Variants in KCNA6 observed in about 807,000 individuals in gnomAD.
KCNA6 encodes human brain potassium channel-2.
Under a neutral mutation model 29.5 loss-of-function variants are expected in KCNA6, and 17 were observed. The ratio of observed to expected loss-of-function variants is 0.58; its 90% CI spans 0.39 to 0.86. KCNA6 has a LOEUF of 0.86. Ranked by LOEUF, KCNA6 falls within the 40% of genes least tolerant of loss-of-function variation. The pLI is 0.00. For synonymous variants in KCNA6, 296 were observed against 304.7 expected (o/e 0.97, Z 0.30); for missense variants, 450 against 703.4 (o/e 0.64, Z 4.07).
At chr12:4,820,484 A>C in the KCNA6 span, among the ~76,000 whole-genome samples, 1 of 149,796 alleles carries the variant, frequency 6.7e-6, no homozygotes. Flanking sequence ...CTGGGACCCA[A>C]ATTTTCTAAC....
the KCNA6 span, chr12:4,839,236 C>G: frequency 6.6e-6 from 1 of 152,196 alleles, no homozygotes. Flanking sequence ...CATGGATTTT[C>G]TTCTGCTTCT....
chr12:4,834,924 G>A, the KCNA6 span, among the ~76,000 whole-genome samples: 1 of 152,160 alleles, frequency 6.6e-6, no homozygotes, highest in Non-Finnish European at 1.5e-5. Flanking sequence ...AAGGTGCCCG[G>A]TCTGACCCAA....
Position 4,810,803 on chromosome 12 carries a change from TGGG to T in KCNA6, c.765_767del (p.Gly256del). 6.3e-7 allele frequency: 1 copy of T among 1,591,466 alleles called. No homozygotes were observed. The highest frequency in any genetic ancestry group is 8.6e-7 in the Non-Finnish European group (1 of 1,169,328). On this transcript the variant is annotated inframe_deletion, in exon 1 of 1. Coordinates refer to ENST00000280684, the Ensembl canonical transcript of KCNA6. The surrounding 1 kb of genome is among the most constrained non-coding windows in gnomAD (Gnocchi z 7.5). ...GGGGCTCCTCCTCACTCAGTACTCT[TGGG>T]GGCTCCTTCTTTACAGACCCCTTCT... is the stretch of plus-strand genomic sequence containing the variant.
At chr12:4,834,099 T>G in the KCNA6 span, among the ~76,000 whole-genome samples, 4 of 151,772 alleles carry the variant, frequency 2.6e-5, no homozygotes, top group Non-Finnish European at 4.4e-5. Context: ...GGCTATAAAT[T>G]TTTATTTTTA....
At chr12:4,826,221 T>TTTTG in the KCNA6 span, among the ~76,000 whole-genome samples, 21 of 152,144 alleles carry the variant, frequency 1.4e-4, no homozygotes, top group Non-Finnish European at 2.9e-4. Context: ...TCTAGGTGTT[T>TTTTG]TTTGTTTGTT....
the KCNA6 span, among the ~76,000 whole-genome samples, chr12:4,828,050 C>T: frequency 6.6e-6 from 1 of 152,196 alleles, no homozygotes; most frequent in Non-Finnish European, 1.5e-5. Flanking sequence ...AACCCCCCCA[C>T]CAGAGACACT....
At chr12:4,830,007 C>T in the KCNA6 span, among the ~76,000 whole-genome samples, 1 of 152,204 alleles carries the variant, frequency 6.6e-6, no homozygotes, top group Non-Finnish European at 1.5e-5. Context: ...GGGGCAGCCT[C>T]CACTCCCCTG....
At chr12:4,815,135 A>G (rs965185), downstream of KCNA6, among the ~76,000 whole-genome samples, 148,325 of 152,124 alleles carry the variant, frequency 0.98, 72,399 homozygotes, top group Middle Eastern at 1. Flanking sequence ...TTCTTTTACC[A>G]TCTTCTTCCT....
downstream of KCNA6, among the ~76,000 whole-genome samples, chr12:4,818,031 G>C (rs56893870): frequency 0.072 from 10,974 of 152,186 alleles, 525 homozygotes; most frequent in East Asian, 0.23. Flanking sequence ...GCTGTCTCCA[G>C]GAGACAGACA....
chr12:4,821,486 G>T, the KCNA6 span, among the ~76,000 whole-genome samples: 3 of 151,470 alleles, frequency 2.0e-5, no homozygotes, highest in Admixed American at 1.3e-4. Flanking sequence ...TTCTGCATCT[G>T]CAATCTCCTG....
At position 4,810,314 on chromosome 12, in the gene KCNA6, C is replaced by T. The variant is rs1946613376; in HGVS notation, c.273C>T (p.Pro91=). The T allele has an allele frequency of 6.2e-7, 1 of 1,614,022 alleles. No individual in the cohort carries two copies. Residue 91 remains proline, a synonymous_variant, in exon 1 of 1, where the codon CCC becomes CCT. Transcript: ENST00000280684. The surrounding 1 kb of genome is among the most constrained non-coding windows in gnomAD (Gnocchi z 7.5). ...AGTACTTCTTCGACCGCAACCGGCCCAGCTTCGACGCCATCCTCTACTACT... is the reference window on the plus strand; with the variant it reads ...AGTACTTCTTCGACCGCAACCGGCCTAGCTTCGACGCCATCCTCTACTACT...
chr12:4,847,909 G>A, the KCNA6 span, among the ~76,000 whole-genome samples: 5 of 152,050 alleles, frequency 3.3e-5, no homozygotes, highest in Non-Finnish European at 5.9e-5. Flanking sequence ...TTTTTTCTTG[G>A]AATCCTTTGG....
chr12:4,829,360 G>C, the KCNA6 span, among the ~76,000 whole-genome samples: 1 of 152,108 alleles, frequency 6.6e-6, no homozygotes. Flanking sequence ...AGCATTGCTG[G>C]ATATGATTAT....
exon 1 of KCNA6, chr12:4,812,490 G>A (rs1328419188): frequency 6.0e-6 from 1 of 167,154 alleles, no homozygotes; most frequent in East Asian, 1.9e-4. Context: ...GCAGAGTCAA[G>A]CAACTGGCTT....
chr12:4,845,550 G>T, the KCNA6 span, among the ~76,000 whole-genome samples: 1 of 152,170 alleles, frequency 6.6e-6, no homozygotes, highest in Non-Finnish European at 1.5e-5. Flanking sequence ...AACAGAGGAT[G>T]CCTGTTACAT....
the KCNA6 span, among the ~76,000 whole-genome samples, chr12:4,848,858 G>A: frequency 6.6e-6 from 1 of 152,184 alleles, no homozygotes; most frequent in African/African-American, 2.4e-5. Flanking sequence ...GCTCACGCCT[G>A]TAATCCCAGC....
At chr12:4,819,068 G>A in the KCNA6 span, among the ~76,000 whole-genome samples, 39 of 152,010 alleles carry the variant, frequency 2.6e-4, no homozygotes, top group Middle Eastern at 3.4e-3. Flanking sequence ...ATATACACAC[G>A]TATGCACAGG....
the KCNA6 span, among the ~76,000 whole-genome samples, chr12:4,836,508 A>G: frequency 6.6e-6 from 1 of 152,232 alleles, no homozygotes; most frequent in Non-Finnish European, 1.5e-5. Context: ...AATAAAAGAA[A>G]TGGCTTGAAC....
downstream of KCNA6, among the ~76,000 whole-genome samples, chr12:4,815,494 T>C (rs1256753066): frequency 6.6e-6 from 1 of 152,200 alleles, no homozygotes; most frequent in Non-Finnish European, 1.5e-5. Flanking sequence ...AATCCTCTGC[T>C]GAGTAGCCCT....
Sources: gnomAD v4.1 joint callset for allele counts (sites outside exome capture counted in the v4.1 genomes callset) on GRCh38, gnomAD v4.1.1 for gene constraint, Gnocchi (gnomAD v3.1) non-coding constraint, MANE v1.5 for transcripts, NCBI Gene and HGNC (gene_info 2026-07-23, HGNC 2026-07-21) for gene names.